The following SLC16A7 variants were observed in gnomAD, a reference collection of about 807,000 sequenced individuals.
The protein encoded by SLC16A7 is solute carrier family 16 member 7.
In SLC16A7, 33 loss-of-function variants were observed where a neutral mutation model predicts 34.9. The observed-to-expected ratio is 0.94, with a 90% CI of 0.72 to 1.26. The LOEUF (loss-of-function observed/expected upper bound fraction) is 1.26. Ranked by LOEUF, SLC16A7 falls within the 50% of genes most tolerant of loss-of-function variation. SLC16A7 has a pLI of 0.00. For synonymous variants in SLC16A7, 201 were observed against 206.6 expected (o/e 0.97, Z 0.23); for missense variants, 573 against 578.1 (o/e 0.99, Z 0.09).
intron 3 of SLC16A7, among the ~76,000 whole-genome samples, chr12:59,735,100 T>A (rs1297575415): frequency 6.6e-6 from 1 of 152,190 alleles, no homozygotes; most frequent in Admixed American, 6.5e-5. Context: ...GCTTTGTGAT[T>A]TAGGTGCTGA....
chr12:59,701,767 T>C (rs1872912612), intron 2 of SLC16A7, among the ~76,000 whole-genome samples: 1 of 151,798 alleles, frequency 6.6e-6, no homozygotes, highest in Non-Finnish European at 1.5e-5. Context: ...TTATAATATT[T>C]GTATTGATGT....
intron 2 of SLC16A7, among the ~76,000 whole-genome samples, chr12:59,700,697 C>A (rs1367978966): frequency 1.3e-5 from 2 of 151,516 alleles, no homozygotes; most frequent in Non-Finnish European, 3.0e-5. Context: ...AGCCATCATA[C>A]AATTCGGGAT....
intron 3 of SLC16A7, chr12:59,735,944 C>T (rs757039883): frequency 1.2e-4 from 152 of 1,241,772 alleles, no homozygotes; most frequent in Non-Finnish European, 1.6e-4. Flanking sequence ...AAAGGAGAAG[C>T]GGAATGCATC....
intron 3 of SLC16A7, among the ~76,000 whole-genome samples, chr12:59,766,495 G>C (rs887006901): frequency 5.9e-5 from 9 of 152,218 alleles, no homozygotes; most frequent in South Asian, 4.1e-4. Context: ...ATTATTTTGA[G>C]ATATGTCCCA....
intron 1 of SLC16A7, among the ~76,000 whole-genome samples, chr12:59,627,773 A>G (rs1459195894): frequency 2.6e-5 from 4 of 151,404 alleles, no homozygotes; most frequent in Non-Finnish European, 5.9e-5. Context: ...AAGTCTCTTC[A>G]GTTTCAGCTC....
At chr12:59,765,133 T>C (rs1412040144) in intron 3 of SLC16A7, among the ~76,000 whole-genome samples, 1 of 152,242 alleles carries the variant, frequency 6.6e-6, no homozygotes, top group Non-Finnish European at 1.5e-5. Context: ...ATGTCTTCTT[T>C]TGAGAAGTGT....
At chr12:59,663,601 T>C (rs953727870) in intron 2 of SLC16A7, among the ~76,000 whole-genome samples, 1 of 152,128 alleles carries the variant, frequency 6.6e-6, no homozygotes, top group Non-Finnish European at 1.5e-5. Flanking sequence ...AGTAAATATA[T>C]AGACTGCTTT....
intron 2 of SLC16A7, among the ~76,000 whole-genome samples, chr12:59,684,832 C>T (rs1871024631): frequency 6.6e-6 from 1 of 151,804 alleles, no homozygotes; most frequent in Admixed American, 6.6e-5. Context: ...TATTTTATTC[C>T]CTATTGTCAC....
At chr12:59,669,896 G>A (rs1263624092) in intron 2 of SLC16A7, among the ~76,000 whole-genome samples, 1 of 152,136 alleles carries the variant, frequency 6.6e-6, no homozygotes, top group Non-Finnish European at 1.5e-5. Context: ...TCCTTGTCTA[G>A]TGTGAGAATA....
chr12:59,667,979 C>T (rs1869350633), intron 2 of SLC16A7, among the ~76,000 whole-genome samples: 1 of 152,218 alleles, frequency 6.6e-6, no homozygotes, highest in Admixed American at 6.5e-5. Context: ...GCCTTGGCAG[C>T]TTCCACGTGG....
intron 3 of SLC16A7, among the ~76,000 whole-genome samples, chr12:59,751,398 C>T (rs1036423473): frequency 6.6e-6 from 1 of 152,228 alleles, no homozygotes; most frequent in Non-Finnish European, 1.5e-5. Flanking sequence ...TCACTCCCAC[C>T]CCAATACTGC....
chr12:59,611,939 T>C (rs925251012), intron 1 of SLC16A7, among the ~76,000 whole-genome samples: 1 of 152,252 alleles, frequency 6.6e-6, no homozygotes, highest in East Asian at 1.9e-4. Flanking sequence ...ATACAGCTCC[T>C]GTCACAGGTG....
chr12:59,730,147 A>C (rs1410399790), intron 3 of SLC16A7, among the ~76,000 whole-genome samples: 1 of 152,008 alleles, frequency 6.6e-6, no homozygotes, highest in Non-Finnish European at 1.5e-5. Context: ...GCAGGTGTCC[A>C]CATCAGTTAT....
chr12:59,777,326 T>G (rs1882858008), intron 5 of SLC16A7, among the ~76,000 whole-genome samples: 1 of 152,164 alleles, frequency 6.6e-6, no homozygotes, highest in Non-Finnish European at 1.5e-5. Context: ...ACTTTTAGAT[T>G]GGCTTCTTCT....
intron 1 of SLC16A7, among the ~76,000 whole-genome samples, chr12:59,625,427 A>G (rs1326555956): frequency 6.6e-6 from 1 of 151,864 alleles, no homozygotes; most frequent in Non-Finnish European, 1.5e-5. Context: ...AGAATAGTAT[A>G]TATTACAATG....
intron 5 of SLC16A7, among the ~76,000 whole-genome samples, chr12:59,779,157 A>T (rs1883037533): frequency 6.6e-6 from 1 of 151,816 alleles, no homozygotes; most frequent in Admixed American, 6.6e-5. Flanking sequence ...CACACAAAAA[A>T]TGCCTAGTTT....
intron 3 of SLC16A7, among the ~76,000 whole-genome samples, chr12:59,739,442 A>G (rs1271499997): frequency 7.2e-6 from 1 of 138,230 alleles, no homozygotes; most frequent in Non-Finnish European, 1.5e-5. Flanking sequence ...CCAGTCTATC[A>G]TTGTTGGACA....
intron 2 of SLC16A7, among the ~76,000 whole-genome samples, chr12:59,694,043 C>G (rs1464800890): frequency 1.3e-5 from 2 of 151,808 alleles, no homozygotes; most frequent in African/African-American, 4.8e-5. Context: ...AAATAAAAAG[C>G]TCTAAAACAT....
chr12:59,780,095 A>C lies in SLC16A7; in HGVS notation c.*416A>C, dbSNP rs1883131969. On this transcript the variant is annotated 3_prime_UTR_variant, in exon 6 of 6. Transcript: ENST00000547379. ...ATTTTTTATTTGATATTAAAGTATGAGATAGAGTTGAGAGACAATTAATTA... is the reference window on the plus strand; with the variant it reads ...ATTTTTTATTTGATATTAAAGTATGCGATAGAGTTGAGAGACAATTAATTA... The C allele has an allele frequency of 6.2e-6, 1 of 160,520 alleles. No homozygotes were observed. Among genetic ancestry groups the C allele is most frequent in the Non-Finnish European group, 1.4e-5 (1 of 72,940 alleles). 9.9% of individuals were successfully genotyped at this position (160,520 alleles called of 1,614,324 possible).
Sources: gnomAD v4.1 joint callset for allele counts (sites outside exome capture counted in the v4.1 genomes callset) on GRCh38, gnomAD v4.1.1 for gene constraint, MANE v1.5 for transcripts, NCBI Gene and HGNC (gene_info 2026-07-23, HGNC 2026-07-21) for gene names.